The following OPCML variants were observed in gnomAD, a reference collection of about 807,000 sequenced individuals.
OPCML encodes opioid-binding protein/cell adhesion molecule.
Under a neutral mutation model 37.8 loss-of-function variants are expected in OPCML, and 13 were observed. That is an observed-to-expected ratio of 0.34 (90% CI 0.22 to 0.55). The LOEUF is 0.55. Ranked by LOEUF, OPCML falls within the 20% of genes least tolerant of loss-of-function variation. OPCML has a pLI of 0.91. For missense variants in OPCML, 341 were observed against 435.6 expected (o/e 0.78, Z 1.93); for synonymous variants, 176 against 168.8 (o/e 1.04, Z -0.33).
chr11:133,012,884 A>AG (rs921114363), intron 1 of OPCML, among the ~76,000 whole-genome samples: 5 of 151,836 alleles, frequency 3.3e-5, no homozygotes, highest in South Asian at 2.1e-4. Flanking sequence ...AAAAAAAAAA[A>AG]AAAGAAAAAA....
intron 3 of OPCML, among the ~76,000 whole-genome samples, chr11:132,569,657 T>G (rs1457814890): frequency 6.6e-6 from 1 of 152,170 alleles, no homozygotes; most frequent in Non-Finnish European, 1.5e-5. Context: ...AACTTCAATA[T>G]AGTCCTAGAC....
At chr11:132,480,445 G>A (rs113339347) in intron 4 of OPCML, among the ~76,000 whole-genome samples, 5,492 of 152,264 alleles carry the variant, frequency 0.036, 312 homozygotes, top group African/African-American at 0.12. Context: ...AAAACACTAT[G>A]CAGGATATTC....
intron 2 of OPCML, among the ~76,000 whole-genome samples, chr11:132,831,691 C>A (rs117890122): frequency 1.5e-4 from 22 of 151,376 alleles, no homozygotes; most frequent in Non-Finnish European, 2.5e-4. Flanking sequence ...CCCTCTCCCC[C>A]ATTCAGCATC....
intron 3 of OPCML, among the ~76,000 whole-genome samples, chr11:132,636,139 G>A (rs750087175): frequency 6.6e-6 from 1 of 152,102 alleles, no homozygotes. Context: ...GTCGATGTAA[G>A]TGCTTTTATT....
At chr11:132,563,778 G>A (rs561436952) in intron 3 of OPCML, among the ~76,000 whole-genome samples, 1 of 149,910 alleles carries the variant, frequency 6.7e-6, no homozygotes, top group African/African-American at 2.5e-5. Flanking sequence ...CCACTTTTAC[G>A]TTATTAAAAA....
intron 1 of OPCML, among the ~76,000 whole-genome samples, chr11:133,282,603 C>T (rs1467838055): frequency 6.6e-6 from 1 of 152,174 alleles, no homozygotes; most frequent in African/African-American, 2.4e-5. Context: ...CAGTTTCCAC[C>T]AGGGAACTGC....
chr11:132,551,537 T>C (rs1358351917), intron 3 of OPCML, among the ~76,000 whole-genome samples: 2 of 152,206 alleles, frequency 1.3e-5, no homozygotes, highest in African/African-American at 2.4e-5. Flanking sequence ...TACAAGATTC[T>C]GACCCTCCCT....
At chr11:132,524,143 C>T (rs564457721) in intron 4 of OPCML, among the ~76,000 whole-genome samples, 1 of 152,322 alleles carries the variant, frequency 6.6e-6, no homozygotes, top group African/African-American at 2.4e-5. Context: ...GATCTTCTGC[C>T]ACTCCCATCC....
At chr11:132,512,532 C>A (rs191001478) in intron 4 of OPCML, among the ~76,000 whole-genome samples, 2 of 151,850 alleles carry the variant, frequency 1.3e-5, no homozygotes, top group East Asian at 3.9e-4. Context: ...AATAAAAAAA[C>A]CACACACAAC....
intron 1 of OPCML, among the ~76,000 whole-genome samples, chr11:133,098,283 T>G (rs1949034200): frequency 6.6e-6 from 1 of 151,440 alleles, no homozygotes; most frequent in South Asian, 2.1e-4. Context: ...TGGCACGATC[T>G]TGGCTCACTG....
intron 2 of OPCML, among the ~76,000 whole-genome samples, chr11:132,720,388 C>T (rs1944635564): frequency 6.6e-6 from 1 of 152,240 alleles, no homozygotes; most frequent in Non-Finnish European, 1.5e-5. Context: ...TTACTGACTA[C>T]TTAGTGCAAG....
At chr11:133,215,474 T>G (rs970806828) in intron 1 of OPCML, among the ~76,000 whole-genome samples, 11 of 152,238 alleles carry the variant, frequency 7.2e-5, no homozygotes, top group African/African-American at 2.4e-4. Context: ...CAATTTCTCT[T>G]CACTGATACC....
chr11:132,955,196 C>T (rs1032176895), intron 1 of OPCML, among the ~76,000 whole-genome samples: 1 of 152,088 alleles, frequency 6.6e-6, no homozygotes, highest in African/African-American at 2.4e-5. Flanking sequence ...TGTCTTATTT[C>T]ATCTTCAGCA....
intron 1 of OPCML, among the ~76,000 whole-genome samples, chr11:133,175,390 A>G (rs565650453): frequency 1.4e-4 from 21 of 152,006 alleles, no homozygotes; most frequent in African/African-American, 4.1e-4. Flanking sequence ...CTGACAAGTC[A>G]TCTCCTCTAC....
chr11:133,493,980 T>C (rs1157106794), intron 1 of OPCML, among the ~76,000 whole-genome samples: 1 of 148,072 alleles, frequency 6.8e-6, no homozygotes, highest in Non-Finnish European at 1.5e-5. Context: ...AGGGCCAATA[T>C]CCAGAATCAA....
chr11:132,509,350 A>C (rs1208329878), intron 4 of OPCML, among the ~76,000 whole-genome samples: 2 of 152,180 alleles, frequency 1.3e-5, no homozygotes, highest in Admixed American at 6.6e-5. Context: ...TGATAGAAAA[A>C]AAAAAATTTC....
At chr11:133,531,312 G>C (rs1192920629) in intron 1 of OPCML, among the ~76,000 whole-genome samples, 4 of 152,176 alleles carry the variant, frequency 2.6e-5, no homozygotes, top group African/African-American at 9.7e-5. Flanking sequence ...TGGTAGGATT[G>C]CAGCATCTTA....
chr11:133,430,425 C>A (rs1444205191), intron 1 of OPCML, among the ~76,000 whole-genome samples: 1 of 152,080 alleles, frequency 6.6e-6, no homozygotes, highest in Non-Finnish European at 1.5e-5. Flanking sequence ...AAAGAATATT[C>A]CAGATGGCCT....
chr11:132,919,348 C>A (rs1018292664), intron 2 of OPCML, among the ~76,000 whole-genome samples: 1 of 152,142 alleles, frequency 6.6e-6, no homozygotes, highest in Non-Finnish European at 1.5e-5. Flanking sequence ...GTGCAGACAT[C>A]CACCCAGACC....
Sources: gnomAD v4.1 joint callset for allele counts (sites outside exome capture counted in the v4.1 genomes callset) on GRCh38, gnomAD v4.1.1 for gene constraint, MANE v1.5 for transcripts, NCBI Gene and HGNC (gene_info 2026-07-23, HGNC 2026-07-21) for gene names.